Variants in GFRAL observed in about 807,000 individuals in gnomAD.
GFRAL encodes GDNF family receptor alpha-like.
Under a neutral mutation model 45.4 loss-of-function variants are expected in GFRAL, and 36 were observed. That is an observed-to-expected ratio of 0.79 (90% CI 0.61 to 1.05). The LOEUF (loss-of-function observed/expected upper bound fraction) is 1.05, where lower values mean the gene tolerates loss of function less well. Ranked by LOEUF, GFRAL falls within the 50% of genes least tolerant of loss-of-function variation. The pLI, the probability that GFRAL is intolerant of heterozygous loss-of-function variation, is 0.00. For synonymous variants in GFRAL, 166 were observed against 154.1 expected (o/e 1.08, Z -0.57); for missense variants, 507 against 467.5 (o/e 1.08, Z -0.78).
intron 6 of GFRAL, among the ~76,000 whole-genome samples, chr6:55,359,531 A>G (rs902334446): frequency 6.6e-6 from 1 of 151,956 alleles, no homozygotes; most frequent in African/African-American, 2.4e-5. Flanking sequence ...ACAATTCTGC[A>G]CATTGGACTT....
At chr6:55,341,252 G>A (rs887147126) in intron 3 of GFRAL, among the ~76,000 whole-genome samples, 2 of 152,146 alleles carry the variant, frequency 1.3e-5, no homozygotes, top group African/African-American at 4.8e-5. Flanking sequence ...CCCCCAAGTA[G>A]CCTAACTGGG....
At chr6:55,351,113 A>T (rs780561015) in intron 4 of GFRAL, 140 bp from the exon 5 acceptor site, 6 of 642,298 alleles carry the variant, frequency 9.3e-6, no homozygotes, top group Non-Finnish European at 1.7e-5. Flanking sequence ...TACTTACTCT[A>T]AAAGATGTAA....
At chr6:55,361,679 C>T (rs1768277245) in intron 6 of GFRAL, among the ~76,000 whole-genome samples, 1 of 151,942 alleles carries the variant, frequency 6.6e-6, no homozygotes, top group African/African-American at 2.4e-5. Context: ...TTCTAACAAA[C>T]CTTTATCCAT....
At chr6:55,365,248 G>A (rs1267828395) in intron 6 of GFRAL, among the ~76,000 whole-genome samples, 3 of 143,244 alleles carry the variant, frequency 2.1e-5, no homozygotes, top group Admixed American at 6.9e-5. Flanking sequence ...TTTGTCTGTT[G>A]TTGGTGTATA....
chr6:55,351,684 C>T, intron 5 of GFRAL, 101 bp downstream of exon 5: 1 of 736,750 alleles, frequency 1.4e-6, no homozygotes, highest in Non-Finnish European at 2.2e-6. Flanking sequence ...GAGTTCCCAC[C>T]ATCATCCAAC....
At chr6:55,389,519 C>T (rs1285662920) in intron 6 of GFRAL, among the ~76,000 whole-genome samples, 1 of 151,976 alleles carries the variant, frequency 6.6e-6, no homozygotes, top group Non-Finnish European at 1.5e-5. Context: ...CTGCAAGTTA[C>T]CTTACATGCC....
At chr6:55,379,573 A>T (rs908500466) in intron 6 of GFRAL, among the ~76,000 whole-genome samples, 1 of 25,194 alleles carries the variant, frequency 4.0e-5, no homozygotes. Flanking sequence ...ATGTTTTGAA[A>T]TACACACACA....
At chr6:55,371,465 A>G (rs924975884) in intron 6 of GFRAL, among the ~76,000 whole-genome samples, 1 of 151,454 alleles carries the variant, frequency 6.6e-6, no homozygotes, top group African/African-American at 2.4e-5. Flanking sequence ...TATAACATCT[A>G]GGACCTACAG....
At chr6:55,353,473 G>A (rs7452656) in intron 5 of GFRAL, among the ~76,000 whole-genome samples, 5 of 151,762 alleles carry the variant, frequency 3.3e-5, no homozygotes, top group Admixed American at 6.6e-5. Flanking sequence ...GACATATTTC[G>A]TCAACTTATA....
At position 55,399,200 on chromosome 6, in the gene GFRAL, G is replaced by T. The variant is rs1204178953; in HGVS notation, c.973G>T (p.Val325Phe). 1 of 1,594,122 alleles carries T rather than the reference G, an allele frequency of 6.3e-7. No individual in the cohort carries two copies. Among genetic ancestry groups the T allele is most frequent in the Non-Finnish European group, 8.6e-7 (1 of 1,167,106 alleles). ...SCFNYPTLSN[V>F]KGMALYTRKH... is the part of the protein sequence containing the mutation. ...TTCAGATTATCCAACCCTGTCTAAT[G>T]TCAAAGGCATGGCATTGTATACAAG... The change falls in exon 7 of 9, where the codon GTC becomes TTC. Residue 325 changes from valine to phenylalanine, a missense_variant. Physicochemically the swap from Val to Phe is conservative, Grantham distance 50. Coordinates refer to ENST00000340465, the MANE Select transcript of GFRAL (RefSeq NM_207410.2).
chr6:55,383,815 A>T (rs917308630), intron 6 of GFRAL, among the ~76,000 whole-genome samples: 1 of 152,010 alleles, frequency 6.6e-6, no homozygotes, highest in African/African-American at 2.4e-5. Flanking sequence ...ACAAGTTCCC[A>T]GGTGATGCTG....
At chr6:55,344,660 T>C (rs1208746161) in intron 3 of GFRAL, among the ~76,000 whole-genome samples, 1 of 152,218 alleles carries the variant, frequency 6.6e-6, no homozygotes, top group Non-Finnish European at 1.5e-5. Flanking sequence ...TCACCACTCC[T>C]ATTCAACATA....
intron 6 of GFRAL, among the ~76,000 whole-genome samples, chr6:55,361,627 A>T (rs191882714): frequency 9.2e-4 from 140 of 152,084 alleles, no homozygotes; most frequent in African/African-American, 3.2e-3. Flanking sequence ...AATAGGAAAA[A>T]TTCCAAACAA....
intron 5 of GFRAL, among the ~76,000 whole-genome samples, chr6:55,355,767 A>G (rs1768182201): frequency 6.6e-6 from 1 of 151,936 alleles, no homozygotes; most frequent in South Asian, 2.1e-4. Flanking sequence ...GTTGAATAAT[A>G]GTGATGAAAG....
rs116446402 is a variant in GFRAL at position 55,360,500 on chromosome 6, C to T, written c.952+1362C>T. ...CAGATACTTAGGAGATGCACATTAGCCAATGTGCTAAAAATTGTGATTTGT... is the reference window on the plus strand; with the variant it reads ...CAGATACTTAGGAGATGCACATTAGTCAATGTGCTAAAAATTGTGATTTGT... On this transcript the variant is annotated intron_variant, in intron 6 of 8. Transcript: ENST00000340465. 7.6e-3 allele frequency among the ~76,000 whole-genome samples: 1,148 copies of T among 151,876 alleles called. 12 individuals carry two copies. The highest frequency in any genetic ancestry group is 0.017 in the African/African-American group (724 of 41,446).
rs147461686 is a variant in GFRAL, at chr6:55,345,103, A to G, written c.317-4989A>G. On this transcript the variant is annotated intron_variant, in intron 3 of 8. Transcript: ENST00000340465. The stretch of plus-strand genomic sequence containing the variant: ...GATAGGAAGAACCAATATCATGAAA[A>G]TGGCCATACTGCCCAAGGTAATTTA... Among the ~76,000 whole-genome samples, 552 of 152,300 alleles carry G rather than the reference A, an allele frequency of 3.6e-3. 3 individuals are homozygous for G. Among genetic ancestry groups the G allele is most frequent in the Admixed American group, 7.0e-3 (107 of 15,274 alleles).
At chr6:55,343,444 A>G (rs1767997310) in intron 3 of GFRAL, among the ~76,000 whole-genome samples, 1 of 152,206 alleles carries the variant, frequency 6.6e-6, no homozygotes, top group South Asian at 2.1e-4. Context: ...ACATAATTAA[A>G]TGAAGGCAGA....
intron 6 of GFRAL, among the ~76,000 whole-genome samples, chr6:55,396,816 T>C (rs1768831258): frequency 6.6e-6 from 1 of 152,008 alleles, no homozygotes; most frequent in South Asian, 2.1e-4. Context: ...ATTCACAAGT[T>C]CTACCTCTAT....
chr6:55,350,005 T>G, intron 3 of GFRAL, 87 bp from the exon 4 acceptor site: 1 of 772,412 alleles, frequency 1.3e-6, no homozygotes, highest in Non-Finnish European at 2.3e-6. Context: ...TATGTGGACT[T>G]TACTCATTTA....
Sources: gnomAD v4.1 joint callset for allele counts (sites outside exome capture counted in the v4.1 genomes callset) on GRCh38, gnomAD v4.1.1 for gene constraint, MANE v1.5 for transcripts, NCBI Gene and HGNC (gene_info 2026-07-23, HGNC 2026-07-21) for gene names.